Variants in MYRIP observed in about 807,000 individuals in gnomAD.
The protein encoded by MYRIP is rab effector MyRIP.
Under a neutral mutation model 98.0 loss-of-function variants are expected in MYRIP, and 49 were observed. That is an observed-to-expected ratio of 0.50 (90% CI 0.40 to 0.63). The LOEUF (loss-of-function observed/expected upper bound fraction) is 0.63. MYRIP is among the 30% of genes least tolerant of loss of function. The pLI is 0.00. For missense variants in MYRIP, 1,004 were observed against 1,058.2 expected, an observed-to-expected ratio of 0.95 and a Z score of 0.71; for synonymous variants, 404 against 409.5, an observed-to-expected ratio of 0.99 and a Z score of 0.16.
At chr3:39,936,345 G>T (rs187101956) in intron 2 of MYRIP, among the ~76,000 whole-genome samples, 5 of 152,340 alleles carry the variant, frequency 3.3e-5, no homozygotes, top group Non-Finnish European at 4.4e-5. Flanking sequence ...CCCTTCAACA[G>T]AGGAGTCAGA....
intron 11 of MYRIP, among the ~76,000 whole-genome samples, chr3:40,231,254 T>A (rs892854486): frequency 6.6e-6 from 1 of 152,216 alleles, no homozygotes; most frequent in Admixed American, 6.5e-5. Flanking sequence ...CTCCTCACTC[T>A]GACTTAAGGG....
At chr3:39,946,231 G>A (rs950434080) in intron 2 of MYRIP, among the ~76,000 whole-genome samples, 7 of 152,028 alleles carry the variant, frequency 4.6e-5, no homozygotes, top group Admixed American at 1.3e-4. Context: ...CAAAGTCAAC[G>A]TGATTACCAG....
rs577440291 is a variant in MYRIP at position 40,176,234 on chromosome 3, G to A, written c.874-5986G>A. 1.0e-3 allele frequency among the ~76,000 whole-genome samples: 155 copies of A among 152,264 alleles called. 1 individual carries two copies. The highest frequency in any genetic ancestry group is 3.5e-3 in the African/African-American group (145 of 41,536). The stretch of plus-strand genomic sequence containing the variant: ...GGCTGCACTGTTCAGTATGGTGGCC[G>A]TAAGCTACAAGTGACTATTTTAATT... On this transcript the variant is annotated intron_variant, in intron 8 of 16. Transcript: ENST00000302541.
chr3:40,129,052 T>C (rs1949580911), intron 3 of MYRIP, among the ~76,000 whole-genome samples: 1 of 152,108 alleles, frequency 6.6e-6, no homozygotes, highest in Non-Finnish European at 1.5e-5. Flanking sequence ...TTCAGTTCTT[T>C]TTCCTTAAAA....
chr3:40,202,998 C>T (rs1362866282), intron 10 of MYRIP, among the ~76,000 whole-genome samples: 4 of 151,898 alleles, frequency 2.6e-5, no homozygotes, highest in African/African-American at 7.2e-5. Context: ...GGTGCAATGT[C>T]GGCTCACTGC....
intron 1 of MYRIP, among the ~76,000 whole-genome samples, chr3:39,852,102 T>C (rs1446264441): frequency 6.6e-6 from 1 of 152,038 alleles, no homozygotes; most frequent in African/African-American, 2.4e-5. Context: ...GGCATGAGAA[T>C]TGAACATTTA....
chr3:40,101,282 G>T (rs1948940295), intron 3 of MYRIP, among the ~76,000 whole-genome samples: 1 of 152,026 alleles, frequency 6.6e-6, no homozygotes, highest in South Asian at 2.1e-4. Context: ...CAGCTTTCTG[G>T]TGTTGCTGTT....
intron 2 of MYRIP, among the ~76,000 whole-genome samples, chr3:39,908,084 A>G (rs1350042404): frequency 1.3e-5 from 2 of 152,194 alleles, no homozygotes; most frequent in African/African-American, 4.8e-5. Flanking sequence ...TAGCATTTGG[A>G]TAACTTCCAA....
chr3:39,891,156 C>T (rs1943477076), intron 1 of MYRIP, among the ~76,000 whole-genome samples: 1 of 152,024 alleles, frequency 6.6e-6, no homozygotes, highest in South Asian at 2.1e-4. Flanking sequence ...CTGACTTTCA[C>T]CCTGCCAAGT....
Position 40,134,204 on chromosome 3 carries a change from C to T in MYRIP, c.333-16844C>T, listed in dbSNP as rs983894022. ...CCCACCCTAATATGCGCTCTTCCAA[C>T]GGGCTTAACAAATGGCACACCAGGA... On this transcript the variant is annotated intron_variant, in intron 3 of 16. Transcript: ENST00000302541. 7.9e-5 allele frequency among the ~76,000 whole-genome samples: 12 copies of T among 152,260 alleles called. No individual in the cohort carries two copies. The East Asian group carries it at 9.6e-4, about 12-fold the overall frequency.
intron 2 of MYRIP, among the ~76,000 whole-genome samples, chr3:39,947,393 A>G (rs982774292): frequency 4.0e-4 from 61 of 152,166 alleles, no homozygotes; most frequent in Admixed American, 2.0e-4. Context: ...AATGAATAAA[A>G]TACAAAAAAG....
chr3:39,996,599 C>T (rs951101678), intron 2 of MYRIP, among the ~76,000 whole-genome samples: 1 of 152,120 alleles, frequency 6.6e-6, no homozygotes, highest in African/African-American at 2.4e-5. Context: ...CTTTAACACC[C>T]CACTGTCAAC....
Position 40,078,013 on chromosome 3 carries a change from G to T in MYRIP, c.332+33742G>T, listed in dbSNP as rs527472425. On this transcript the variant is annotated intron_variant, in intron 3 of 16. Coordinates refer to ENST00000302541, the MANE Select transcript of MYRIP (RefSeq NM_015460.4). ...GTTGGGGAGGGTCGGCCACACAGGA[G>T]CCCATGGAGAGGGTGGGAGGCTCAG... 2.6e-5 allele frequency among the ~76,000 whole-genome samples: 4 copies of T among 152,356 alleles called. No homozygotes were observed. The South Asian group carries it at 8.3e-4, about 32-fold the overall frequency.
chr3:40,167,081 C>T, intron 6 of MYRIP, 78 bp from the exon 7 acceptor site: 1 of 1,470,738 alleles, frequency 6.8e-7, no homozygotes, highest in Non-Finnish European at 9.5e-7. Context: ...CTTTTGTGGT[C>T]AGGACTCTCC....
At position 39,919,693 on chromosome 3, in the gene MYRIP, G is replaced by GGTGTGT. The variant is rs62719862; in HGVS notation, c.110+18797_110+18802dup. Reference sequence around the variant, plus strand: ...CTCTGCCATGTGTGCGGGTATGTGTGGTGTGTGTGTGTGTGTGTGTGTGTG... The same window carrying GGTGTGT: ...CTCTGCCATGTGTGCGGGTATGTGTGGTGTGTGTGTGTGTGTGTGTGTGTGTGTGTG... On this transcript the variant is annotated intron_variant, in intron 2 of 16. Transcript: ENST00000302541. Among the ~76,000 whole-genome samples the GGTGTGT allele has an allele frequency of 6.6e-3, 953 of 143,330 alleles. 7 individuals are homozygous for GGTGTGT. Among genetic ancestry groups the GGTGTGT allele is most frequent in the South Asian group, 0.016 (69 of 4,426 alleles). 94.0% of individuals were successfully genotyped at this position (143,330 alleles called of 152,430 possible). A position where few individuals can be genotyped will look rare whatever the true frequency, so the allele number is the denominator to read the frequency against.
chr3:40,057,179 C>A (rs1434232542), intron 3 of MYRIP, among the ~76,000 whole-genome samples: 1 of 152,002 alleles, frequency 6.6e-6, no homozygotes, highest in African/African-American at 2.4e-5. Flanking sequence ...GCTTGGTTCC[C>A]TATCTACTAG....
At chr3:40,083,256 T>C (rs767711954) in intron 3 of MYRIP, among the ~76,000 whole-genome samples, 16 of 152,136 alleles carry the variant, frequency 1.1e-4, no homozygotes, top group Non-Finnish European at 1.6e-4. Flanking sequence ...ATGCTGTGAG[T>C]GGGTCTTCAT....
At chr3:40,234,248 A>C (rs1047015211) in intron 12 of MYRIP, among the ~76,000 whole-genome samples, 195 bp downstream of exon 12, 1 of 152,108 alleles carries the variant, frequency 6.6e-6, no homozygotes, top group African/African-American at 2.4e-5. Flanking sequence ...ATTTGTGTGC[A>C]TGTGACTTAT....
chr3:39,811,739 G>T (rs184286726), intron 1 of MYRIP, among the ~76,000 whole-genome samples: 1 of 151,686 alleles, frequency 6.6e-6, no homozygotes, highest in Non-Finnish European at 1.5e-5. Context: ...TCTTGGTGGC[G>T]CAGTGTTCTG....
Sources: gnomAD v4.1 joint callset for allele counts (sites outside exome capture counted in the v4.1 genomes callset) on GRCh38, gnomAD v4.1.1 for gene constraint, MANE v1.5 for transcripts, NCBI Gene and HGNC (gene_info 2026-07-23, HGNC 2026-07-21) for gene names.